The following SEMA3C variants were observed in gnomAD, a reference collection of about 807,000 sequenced individuals.
SEMA3C encodes semaphorin 3C.
Under a neutral mutation model 89.4 loss-of-function variants are expected in SEMA3C, and 47 were observed. That is an observed-to-expected ratio of 0.53 (90% CI 0.42 to 0.67). The LOEUF is 0.67. SEMA3C is among the 30% of genes least tolerant of loss of function. The pLI is 0.00. For missense variants in SEMA3C, 839 were observed against 929.1 expected, an observed-to-expected ratio of 0.90 and a Z score of 1.26; for synonymous variants, 310 against 320.2, an observed-to-expected ratio of 0.97 and a Z score of 0.34.
intron 10 of SEMA3C, among the ~76,000 whole-genome samples, chr7:80,798,965 T>C (rs1032258310): frequency 1.3e-4 from 20 of 152,322 alleles, no homozygotes; most frequent in African/African-American, 4.6e-4. Flanking sequence ...ACAAGTAAGA[T>C]ACATTGTTAA....
At chr7:80,799,235 T>G (rs1789139613) in intron 10 of SEMA3C, among the ~76,000 whole-genome samples, 1 of 152,164 alleles carries the variant, frequency 6.6e-6, no homozygotes, top group South Asian at 2.1e-4. Flanking sequence ...TGTAAATTTC[T>G]TTTTCTTTGA....
chr7:80,791,230 T>G (rs960009651), intron 11 of SEMA3C, among the ~76,000 whole-genome samples: 3 of 151,954 alleles, frequency 2.0e-5, no homozygotes, highest in African/African-American at 7.3e-5. Flanking sequence ...AACTTAAGGG[T>G]AGGCTGGGAA....
At chr7:80,773,388 A>C (rs1422899141) in intron 12 of SEMA3C, among the ~76,000 whole-genome samples, 1 of 152,224 alleles carries the variant, frequency 6.6e-6, no homozygotes, top group Non-Finnish European at 1.5e-5. Context: ...AGAAATTTTC[A>C]AACACTTTTG....
At chr7:80,782,579 T>C (rs1398410170) in intron 12 of SEMA3C, among the ~76,000 whole-genome samples, 1 of 152,174 alleles carries the variant, frequency 6.6e-6, no homozygotes, top group Non-Finnish European at 1.5e-5. Context: ...ATATATGAAA[T>C]CAGACAGCAT....
rs1044087455 is a variant in SEMA3C at position 80,903,432 on chromosome 7, A to C, written c.103+13247T>G. 3.3e-5 allele frequency among the ~76,000 whole-genome samples: 5 copies of C among 152,174 alleles called. No individual in the cohort carries two copies. The East Asian group carries it at 7.7e-4, about 24-fold the overall frequency. ...TCCCAGCACTTTGGGAGGCTGAGGC[A>C]GGCAGATCACCTGAGGTCAGGAGTT... On this transcript the variant is annotated intron_variant, in intron 2 of 17. Transcript: ENST00000265361.
At chr7:80,807,940 C>T (rs1789380382) in intron 6 of SEMA3C, among the ~76,000 whole-genome samples, 1 of 152,062 alleles carries the variant, frequency 6.6e-6, no homozygotes, top group Non-Finnish European at 1.5e-5. Flanking sequence ...TCTTATAAAG[C>T]TTTTTGTTCT....
intron 2 of SEMA3C, among the ~76,000 whole-genome samples, chr7:80,868,608 T>C (rs1790985060): frequency 6.6e-6 from 1 of 152,168 alleles, no homozygotes; most frequent in Non-Finnish European, 1.5e-5. Flanking sequence ...ATTATTAATA[T>C]ATTATTTAAT....
At chr7:80,913,602 A>G (rs370653265) in intron 2 of SEMA3C, among the ~76,000 whole-genome samples, 2 of 152,234 alleles carry the variant, frequency 1.3e-5, no homozygotes, top group African/African-American at 4.8e-5. Context: ...ATTTGTGTGA[A>G]CCTTATATTC....
chr7:80,902,537 C>G (rs1791906757), intron 2 of SEMA3C, among the ~76,000 whole-genome samples: 1 of 152,076 alleles, frequency 6.6e-6, no homozygotes, highest in Non-Finnish European at 1.5e-5. Context: ...CCGGAAAAAG[C>G]ACAAATATTA....
chr7:80,789,416 T>C lies in SEMA3C; in HGVS notation c.1244A>G (p.His415Arg), dbSNP rs1788882158. 6.2e-7 allele frequency: 1 copy of C among 1,613,908 alleles called. No individual in the cohort carries two copies. The highest frequency in any genetic ancestry group is 1.3e-5 in the African/African-American group (1 of 74,906). Residue 415 changes from histidine to arginine, a missense_variant, in exon 12 of 18, where the codon CAC (histidine) becomes CGC (arginine). His to Arg is a conservative substitution (Grantham distance 29, BLOSUM62 0). Transcript: ENST00000265361. The part of the protein sequence containing the change: ...PLMYNSIYPI[H>R]KRPLIVRIGT... Reference sequence around the variant, plus strand: ...AATACGAACAATCAAAGGCCTTTTGTGGATTGGGTAGATGGAATTGTACAT... The same window carrying C: ...AATACGAACAATCAAAGGCCTTTTGCGGATTGGGTAGATGGAATTGTACAT...
chr7:80,853,758 ATAAC>A (rs1790570475), intron 2 of SEMA3C, among the ~76,000 whole-genome samples: 2 of 152,322 alleles, frequency 1.3e-5, no homozygotes, highest in Admixed American at 6.5e-5. Context: ...ACATTTAAAA[ATAAC>A]TAAAAGAGAC....
intron 5 of SEMA3C, among the ~76,000 whole-genome samples, chr7:80,812,617 C>CTCTA (rs1327293056): frequency 6.6e-6 from 1 of 152,168 alleles, no homozygotes; most frequent in Non-Finnish European, 1.5e-5. Flanking sequence ...TTGCACAGCA[C>CTCTA]TCTAGATCTA....
At chr7:80,777,902 A>G (rs1451332397) in intron 12 of SEMA3C, among the ~76,000 whole-genome samples, 1 of 152,224 alleles carries the variant, frequency 6.6e-6, no homozygotes, top group African/African-American at 2.4e-5. Flanking sequence ...ATACCAAAAA[A>G]TCAGAAAACA....
intron 4 of SEMA3C, among the ~76,000 whole-genome samples, chr7:80,822,981 T>C (rs1789789460): frequency 1.3e-5 from 2 of 152,190 alleles, no homozygotes. Context: ...GAAATAAATA[T>C]GATGCATGCT....
intron 13 of SEMA3C, among the ~76,000 whole-genome samples, 189 bp from the exon 14 acceptor site, chr7:80,761,846 A>G (rs1472684683): frequency 1.3e-5 from 2 of 152,066 alleles, no homozygotes; most frequent in Non-Finnish European, 2.9e-5. Flanking sequence ...CTCTTTAGAA[A>G]CTAAGGATAG....
At chr7:80,887,589 G>A (rs1043128337) in intron 2 of SEMA3C, among the ~76,000 whole-genome samples, 3 of 152,138 alleles carry the variant, frequency 2.0e-5, no homozygotes, top group African/African-American at 7.2e-5. Context: ...TTCAGGCAAA[G>A]GTTAAAGACT....
chr7:80,746,008 T>G (rs1787791988), intron 17 of SEMA3C, among the ~76,000 whole-genome samples: 1 of 152,150 alleles, frequency 6.6e-6, no homozygotes, highest in African/African-American at 2.4e-5. Flanking sequence ...GAAAAAATGA[T>G]TGTTTACTGG....
chr7:80,810,211 A>G (rs1178277121), intron 6 of SEMA3C, among the ~76,000 whole-genome samples: 1 of 152,170 alleles, frequency 6.6e-6, no homozygotes, highest in African/African-American at 2.4e-5. Flanking sequence ...AATATATACA[A>G]TTATTATTTG....
intron 4 of SEMA3C, among the ~76,000 whole-genome samples, chr7:80,818,643 A>G (rs754147661): frequency 6.7e-6 from 1 of 149,438 alleles, no homozygotes; most frequent in Non-Finnish European, 1.5e-5. Flanking sequence ...ATAGCTGATG[A>G]GCTAAAAAAA....
Sources: allele counts gnomAD v4.1 joint callset (sites outside exome capture counted in the v4.1 genomes callset), GRCh38; gene constraint gnomAD v4.1.1; transcripts MANE v1.5; gene names NCBI Gene and HGNC (gene_info 2026-07-23, HGNC 2026-07-21).